QTRT2: variants seen among roughly 807,000 people sequenced by gnomAD.
The protein encoded by QTRT2 is queuine tRNA-ribosyltransferase domain containing 1.
Under a neutral mutation model 44.8 loss-of-function variants are expected in QTRT2, and 32 were observed. The observed-to-expected ratio is 0.71, with a 90% CI of 0.54 to 0.96. The LOEUF (loss-of-function observed/expected upper bound fraction) is 0.96, where lower values mean the gene tolerates loss of function less well. Among genes scored for constraint, QTRT2 ranks in the 40% least tolerant of loss-of-function variants. The pLI, the probability that QTRT2 is intolerant of heterozygous loss-of-function variation, is 0.00. For synonymous variants in QTRT2, 182 were observed against 187.4 expected, an observed-to-expected ratio of 0.97 and a Z score of 0.24; for missense variants, 461 against 503.1, an observed-to-expected ratio of 0.92 and a Z score of 0.80.
intron 6 of QTRT2, among the ~76,000 whole-genome samples, chr3:114,075,420 G>C (rs1024906542): frequency 2.0e-5 from 3 of 151,298 alleles, no homozygotes; most frequent in African/African-American, 7.3e-5. Flanking sequence ...CTCATTTTAT[G>C]CTGTAGATAT....
chr3:114,074,384 T>G (rs565441259), intron 6 of QTRT2, among the ~76,000 whole-genome samples: 1 of 152,330 alleles, frequency 6.6e-6, no homozygotes, highest in Admixed American at 6.5e-5. Context: ...AGACTTTGTC[T>G]TTATCCTCTC....
Position 114,086,190 on chromosome 3 carries a change from T to C in QTRT2, c.*286T>C, listed in dbSNP as rs1202048361. 2.7e-6 allele frequency: 1 copy of C among 367,420 alleles called. No homozygotes were observed. The highest frequency in any genetic ancestry group is 2.1e-5 in the African/African-American group (1 of 47,852). The allele number at this position is 367,420 out of a possible 1,614,324, so 22.8% of individuals were successfully genotyped here. A position where few individuals can be genotyped will look rare whatever the true frequency, so the allele number is the denominator to read the frequency against. On this transcript the variant is annotated 3_prime_UTR_variant, in exon 10 of 10. Coordinates refer to ENST00000281273, the MANE Select transcript of QTRT2 (RefSeq NM_024638.4). ...TTCATTTAGTCAAAGACAAAAGCTT[T>C]AACTGTGAGGGCACAGCCTTGAAGT...
intron 7 of QTRT2, chr3:114,077,153 G>A (rs1439653519): frequency 1.1e-5 from 6 of 568,170 alleles, no homozygotes; most frequent in Admixed American, 9.1e-5. Context: ...GTAGAGTAGA[G>A]GATAATTGCC....
intron 2 of QTRT2, among the ~76,000 whole-genome samples, chr3:114,057,873 G>C (rs1018297954): frequency 6.6e-6 from 1 of 152,154 alleles, no homozygotes; most frequent in African/African-American, 2.4e-5. Flanking sequence ...GATTAGAGGC[G>C]GGAGGGAGAA....
At chr3:114,071,386 C>T (rs2077022317) in intron 6 of QTRT2, among the ~76,000 whole-genome samples, 1 of 152,140 alleles carries the variant, frequency 6.6e-6, no homozygotes, top group Non-Finnish European at 1.5e-5. Context: ...GTAACCTCTG[C>T]CTCCCAGGTT....
intron 2 of QTRT2, among the ~76,000 whole-genome samples, chr3:114,059,293 T>G (rs1298556251): frequency 2.0e-5 from 3 of 152,294 alleles, no homozygotes; most frequent in Admixed American, 2.0e-4. Flanking sequence ...ACCAGAAATA[T>G]TAGAGCAGAC....
rs776129594 is a variant in QTRT2, at chr3:114,076,852, T to C, written c.656T>C (p.Leu219Pro). The C allele has an allele frequency of 1.9e-6, 3 of 1,614,234 alleles. No individual in the cohort carries two copies. The highest frequency in any genetic ancestry group is 2.5e-6 in the Non-Finnish European group (3 of 1,180,040). ...TAKRPVGGFL[L>P]DGFQGNPTTL... ...AAGCGGCCTGTGGGTGGCTTCCTTC[T>C]GGATGGTTTTCAAGGAAATCCAACA... The change falls in exon 7 of 10, where the codon CTG (leucine) becomes CCG (proline). Residue 219 changes from leucine (L) to proline (P), a missense_variant. Physicochemically the swap from Leu to Pro is moderately conservative, Grantham distance 98 (BLOSUM62 -3). Transcript: ENST00000281273.
At chr3:114,058,428 A>G (rs535019132) in intron 2 of QTRT2, among the ~76,000 whole-genome samples, 1 of 152,240 alleles carries the variant, frequency 6.6e-6, no homozygotes, top group Non-Finnish European at 1.5e-5. Context: ...CACATACTCA[A>G]CAAAGTTTAA....
intron 7 of QTRT2, chr3:114,078,864 G>A (rs1477677782): frequency 6.6e-6 from 1 of 152,210 alleles, no homozygotes; most frequent in East Asian, 1.9e-4. Flanking sequence ...CTGTACCTTG[G>A]AAACCACCAT....
Position 114,079,944 on chromosome 3 carries a change from AGT to A in QTRT2, c.788_789del (p.Cys263TyrfsTer2). The A allele has an allele frequency of 1.2e-6, 2 of 1,613,846 alleles. No homozygotes were observed. Among genetic ancestry groups the A allele is most frequent in the Non-Finnish European group, 1.7e-6 (2 of 1,179,854 alleles). Reference sequence around the variant, plus strand: ...GTTAGTCGGCCAGATGAGGTGCTCGAGTGTATTGAAAGAGGAGTGGACTTATT... The same window carrying A: ...GTTAGTCGGCCAGATGAGGTGCTCGAGTATTGAAAGAGGAGTGGACTTATT... On this transcript the variant is annotated frameshift_variant, in exon 8 of 10. Transcript: ENST00000281273. LOFTEE classifies it high-confidence loss of function.
intron 4 of QTRT2, 144 bp from the exon 5 acceptor site, chr3:114,067,843 C>A: frequency 1.6e-6 from 1 of 623,052 alleles, no homozygotes; most frequent in Admixed American, 2.6e-5. Flanking sequence ...TAGGCCTTCT[C>A]TAATTCCAAG....
At chr3:114,061,915 C>G (rs917648476) in intron 2 of QTRT2, among the ~76,000 whole-genome samples, 5 of 149,732 alleles carry the variant, frequency 3.3e-5, no homozygotes, top group African/African-American at 1.2e-4. Flanking sequence ...ACAGTGTGTT[C>G]TAGGGGAAAA....
In QTRT2 at chr3:114,088,119, C is replaced by T. The variant is rs575959424; in HGVS notation, c.*2215C>T. 6.6e-6 allele frequency: 1 copy of T among 152,220 alleles called. No homozygotes were observed. Among genetic ancestry groups the T allele is most frequent in the African/African-American group, 2.4e-5 (1 of 41,534 alleles). 9.4% of individuals were successfully genotyped at this position (152,220 alleles called of 1,614,324 possible). On this transcript the variant is annotated 3_prime_UTR_variant, in exon 10 of 10. Coordinates refer to ENST00000281273, the MANE Select transcript of QTRT2 (RefSeq NM_024638.4). ...GTTAGATTGGACTTGTTCAAATGTT[C>T]ATATTTTTGTTCTATGCTAAATGCA...
chr3:114,076,833 C>G lies in QTRT2; in HGVS notation c.637C>G (p.Pro213Ala). 6.2e-7 allele frequency: 1 copy of G among 1,614,176 alleles called. No individual in the cohort carries two copies. Among genetic ancestry groups the G allele is most frequent in the Non-Finnish European group, 8.5e-7 (1 of 1,180,014 alleles). Residue 213 changes from proline to alanine, a missense_variant, in exon 7 of 10, where the codon CCT becomes GCT. Pro to Ala is a conservative substitution (Grantham distance 27). Coordinates refer to ENST00000281273, the MANE Select transcript of QTRT2 (RefSeq NM_024638.4). ...GTCAGCACGAGAGACAGCCAAGCGG[C>G]CTGTGGGTGGCTTCCTTCTGGATGG... ...LRSARETAKR[P>A]VGGFLLDGFQ...
At chr3:114,061,360 T>C (rs1172075238) in intron 2 of QTRT2, among the ~76,000 whole-genome samples, 3 of 152,150 alleles carry the variant, frequency 2.0e-5, no homozygotes, top group Admixed American at 2.0e-4. Context: ...GAGTGATGGC[T>C]CTGTGCTGGG....
chr3:114,075,646 C>T lies in QTRT2; in HGVS notation c.547-1097C>T, dbSNP rs142125551. Among the ~76,000 whole-genome samples, 882 of 151,732 alleles carry T rather than the reference C, an allele frequency of 5.8e-3. 9 individuals are homozygous for T. Among genetic ancestry groups the T allele is most frequent in the African/African-American group, 0.02 (833 of 41,348 alleles). ...ACCTCAGCCTCCCGAGTAACTGGGA[C>T]TACAGGTGCATGCTGCCACACCCGG... On this transcript the variant is annotated intron_variant, in intron 6 of 9. Coordinates refer to ENST00000281273, the MANE Select transcript of QTRT2 (RefSeq NM_024638.4).
intron 6 of QTRT2, 125 bp downstream of exon 6, chr3:114,070,963 CTA>C: frequency 1.4e-6 from 1 of 696,098 alleles, no homozygotes; most frequent in South Asian, 2.0e-5. Context: ...ATTTTACTCT[CTA>C]TTTTTATTTT....
intron 6 of QTRT2, among the ~76,000 whole-genome samples, chr3:114,073,064 G>A (rs946910512): frequency 1.8e-4 from 28 of 152,188 alleles, no homozygotes; most frequent in Admixed American, 5.2e-4. Context: ...GGCTAATAAA[G>A]TTAATATAAA....
intron 6 of QTRT2, among the ~76,000 whole-genome samples, chr3:114,071,826 G>C (rs1477566910): frequency 6.6e-6 from 1 of 152,102 alleles, no homozygotes; most frequent in African/African-American, 2.4e-5. Flanking sequence ...TTATCCAAAA[G>C]ATCTTTGTAA....
Sources: gnomAD v4.1 joint callset for allele counts (sites outside exome capture counted in the v4.1 genomes callset) on GRCh38, gnomAD v4.1.1 for gene constraint, MANE v1.5 for transcripts, NCBI Gene and HGNC (gene_info 2026-07-23, HGNC 2026-07-21) for gene names.